The following VPS13B variants were observed in gnomAD, a reference collection of about 807,000 sequenced individuals.
VPS13B encodes intermembrane lipid transfer protein VPS13B.
Under a neutral mutation model 426.4 loss-of-function variants are expected in VPS13B, and 285 were observed. The observed-to-expected ratio is 0.67, with a 90% confidence interval of 0.61 to 0.74. The LOEUF is 0.74. VPS13B is among the 30% of genes least tolerant of loss of function. The pLI is 0.00. For missense variants in VPS13B, 4,537 were observed against 4,782.6 expected, an observed-to-expected ratio of 0.95 and a Z score of 1.51; for synonymous variants, 1,676 against 1,676.4, an observed-to-expected ratio of 1.00 and a Z score of 0.01.
At chr8:99,112,804 G>A (rs531425997) in intron 6 of VPS13B, among the ~76,000 whole-genome samples, 1 of 152,214 alleles carries the variant, frequency 6.6e-6, no homozygotes, top group Admixed American at 6.5e-5. Context: ...GGTTATATTA[G>A]AGGAAGGTAA....
intron 3 of VPS13B, among the ~76,000 whole-genome samples, chr8:99,055,300 A>G (rs1053693634): frequency 6.6e-6 from 1 of 152,144 alleles, no homozygotes; most frequent in Non-Finnish European, 1.5e-5. Flanking sequence ...TCAGCCTCCC[A>G]AAGTGCTGTG....
At chr8:99,309,400 G>A (rs966034167) in intron 19 of VPS13B, among the ~76,000 whole-genome samples, 2 of 152,122 alleles carry the variant, frequency 1.3e-5, no homozygotes, top group Admixed American at 1.3e-4. Flanking sequence ...TTCTACATAT[G>A]GCTAGCCAGT....
intron 17 of VPS13B, among the ~76,000 whole-genome samples, chr8:99,267,709 G>C (rs1355310775): frequency 3.3e-5 from 5 of 150,874 alleles, no homozygotes; most frequent in Non-Finnish European, 7.4e-5. Flanking sequence ...CCTGGCGACA[G>C]AGTGAGACTC....
intron 21 of VPS13B, among the ~76,000 whole-genome samples, chr8:99,403,147 C>T (rs990368432): frequency 6.6e-6 from 1 of 152,144 alleles, no homozygotes; most frequent in Non-Finnish European, 1.5e-5. Flanking sequence ...TATCAGGATG[C>T]CATCTTTTCA....
At position 99,777,592 on chromosome 8, in the gene VPS13B, G is replaced by A. The variant is rs544996145; in HGVS notation, c.7429+636G>A. 7.9e-5 allele frequency among the ~76,000 whole-genome samples: 12 copies of A among 152,282 alleles called. No individual in the cohort carries two copies. The East Asian group carries it at 2.3e-3, about 29-fold the overall frequency. Reference sequence around the variant, plus strand: ...CAACCAAACCATATCAGATCCCTTTGAAAGAAATATGTCTGTTCTTGTTCA... The same window carrying A: ...CAACCAAACCATATCAGATCCCTTTAAAAGAAATATGTCTGTTCTTGTTCA... On this transcript the variant is annotated intron_variant, in intron 41 of 61. Transcript: ENST00000357162.
intron 17 of VPS13B, among the ~76,000 whole-genome samples, chr8:99,251,535 T>G (rs1418761653): frequency 6.6e-6 from 1 of 152,198 alleles, no homozygotes; most frequent in East Asian, 1.9e-4. Flanking sequence ...ATGTATTATT[T>G]ATATTTGTAT....
intron 15 of VPS13B, among the ~76,000 whole-genome samples, chr8:99,162,923 C>T (rs967110376): frequency 3.3e-5 from 5 of 152,228 alleles, no homozygotes; most frequent in East Asian, 1.9e-4. Flanking sequence ...TTTGTCAGGG[C>T]GCTGATTGGT....
chr8:99,187,845 A>G (rs539416047), intron 16 of VPS13B, among the ~76,000 whole-genome samples: 2 of 150,882 alleles, frequency 1.3e-5, no homozygotes, highest in East Asian at 3.9e-4. Context: ...GTATGCACCC[A>G]TTGTCCCAGT....
At chr8:99,501,921 TC>T in intron 26 of VPS13B, 63 bp downstream of exon 26, 1 of 1,306,414 alleles carries the variant, frequency 7.7e-7, no homozygotes. Flanking sequence ...CCTCCCTCCC[TC>T]CCTCCCTTCC....
intron 15 of VPS13B, among the ~76,000 whole-genome samples, chr8:99,160,930 G>A (rs182899763): frequency 1.2e-3 from 178 of 152,192 alleles, no homozygotes; most frequent in African/African-American, 3.8e-3. Flanking sequence ...TTTTTGCAAA[G>A]CCTTTTTTCT....
chr8:99,828,032 T>C (rs1814798049), intron 51 of VPS13B, among the ~76,000 whole-genome samples: 1 of 152,234 alleles, frequency 6.6e-6, no homozygotes, highest in Non-Finnish European at 1.5e-5. Context: ...TAGGTGGTTC[T>C]GAGAAGAATG....
At chr8:99,813,481 T>C (rs1813841193) in intron 44 of VPS13B, among the ~76,000 whole-genome samples, 1 of 152,248 alleles carries the variant, frequency 6.6e-6, no homozygotes, top group South Asian at 2.1e-4. Context: ...TTTCAAATGT[T>C]TATTTCAAGT....
intron 14 of VPS13B, 44 bp downstream of exon 14, chr8:99,148,054 A>ATT (rs199769640): frequency 1.3e-3 from 1,803 of 1,360,556 alleles, no homozygotes; most frequent in South Asian, 2.4e-3. Flanking sequence ...TCATATATGG[A>ATT]TTTTTTTTTT....
intron 19 of VPS13B, among the ~76,000 whole-genome samples, chr8:99,299,052 CTTTTTT>C (rs11302301): frequency 2.2e-4 from 12 of 55,056 alleles, no homozygotes; most frequent in Admixed American, 3.6e-4. Context: ...TATTCCACCA[CTTTTTT>C]TTTTTTTTTT....
chr8:99,546,108 G>A (rs1331794382), intron 30 of VPS13B, among the ~76,000 whole-genome samples: 1 of 151,968 alleles, frequency 6.6e-6, no homozygotes, highest in Admixed American at 6.6e-5. Flanking sequence ...GTAAGTTTGA[G>A]AATACTAACT....
chr8:99,057,159 A>G (rs1843919878), intron 3 of VPS13B, among the ~76,000 whole-genome samples: 1 of 151,560 alleles, frequency 6.6e-6, no homozygotes, highest in South Asian at 2.1e-4. Context: ...TACCACCTAC[A>G]TAGACAATAA....
chr8:99,343,126 G>A (rs1214881196), intron 19 of VPS13B, among the ~76,000 whole-genome samples: 2 of 148,962 alleles, frequency 1.3e-5, no homozygotes, highest in Non-Finnish European at 3.0e-5. Flanking sequence ...CGGGAGTCTC[G>A]CTCTGTCGCC....
At chr8:99,216,970 A>G (rs1228239373) in intron 17 of VPS13B, among the ~76,000 whole-genome samples, 2 of 152,162 alleles carry the variant, frequency 1.3e-5, no homozygotes, top group Non-Finnish European at 2.9e-5. Flanking sequence ...TTAGGCTATT[A>G]TCAAGAAGAA....
chr8:99,536,619 C>A (rs1563782588), intron 30 of VPS13B: 1 of 533,796 alleles, frequency 1.9e-6, no homozygotes, highest in South Asian at 1.4e-5. Context: ...CCCCATTATC[C>A]TTTAACTGAA....
Sources: gnomAD v4.1 joint callset for allele counts (sites outside exome capture counted in the v4.1 genomes callset) on GRCh38, gnomAD v4.1.1 for gene constraint, MANE v1.5 for transcripts, NCBI Gene and HGNC (gene_info 2026-07-23, HGNC 2026-07-21) for gene names.